Variants in SNX20 observed in about 807,000 individuals in gnomAD.
SNX20 encodes sorting nexin 20, also known as sorting nexin-20.
A neutral mutation model predicts 24.5 loss-of-function variants in SNX20; 21 were observed. The observed-to-expected ratio is 0.86, with a 90% CI of 0.61 to 1.23. The LOEUF (loss-of-function observed/expected upper bound fraction) is 1.23, where lower values mean the gene tolerates loss of function less well. Ranked by LOEUF, SNX20 falls within the 50% of genes most tolerant of loss-of-function variation. The pLI is 0.00. For missense variants in SNX20, 433 were observed against 430.8 expected, an observed-to-expected ratio of 1.00 and a Z score of -0.04; for synonymous variants, 206 against 192.8, an observed-to-expected ratio of 1.07 and a Z score of -0.57.
At position 50,674,091 on chromosome 16, in the gene SNX20, G is replaced by T; in HGVS notation, c.283-17C>A. 6.4e-7 allele frequency: 1 copy of T among 1,570,552 alleles called. No individual in the cohort carries two copies. The highest frequency in any genetic ancestry group is 8.6e-7 in the Non-Finnish European group (1 of 1,157,700). On this transcript the variant is annotated splice_polypyrimidine_tract_variant and intron_variant, in intron 3 of 3. Coordinates refer to ENST00000330943, the MANE Select transcript of SNX20 (RefSeq NM_182854.4). ...TTGGTACACCTAGGGCGCAACCAGA[G>T]AGAGCTGTGGCCACCTCCCGGCGGG...
downstream of SNX20, chr16:50,669,136 T>A: frequency 7.4e-7 from 1 of 1,350,240 alleles, no homozygotes; most frequent in Non-Finnish European, 1.0e-6. Context: ...TCTCCAGGCC[T>A]TGATTTCCCC....
chr16:50,675,368 T>G (rs1596795384), intron 3 of SNX20, among the ~76,000 whole-genome samples: 1 of 152,362 alleles, frequency 6.6e-6, no homozygotes, highest in East Asian at 1.9e-4. Flanking sequence ...ATATTGGTTT[T>G]CCATTTAAGG....
intron 2 of SNX20, 61 bp downstream of exon 2, chr16:50,677,336 A>T (rs1963203401): frequency 6.8e-7 from 1 of 1,476,992 alleles, no homozygotes; most frequent in Non-Finnish European, 9.0e-7. Context: ...AGTGACCCAC[A>T]TTTGTACTTT....
chr16:50,666,385 T>G (rs1177782299), exon 4 of SNX20: 1 of 152,366 alleles, frequency 6.6e-6, no homozygotes, highest in Non-Finnish European at 1.5e-5. Flanking sequence ...CAAAAAAGTG[T>G]CTATGATTCA....
intron 3 of SNX20, among the ~76,000 whole-genome samples, chr16:50,675,126 C>G (rs75450535): frequency 6.6e-6 from 1 of 152,186 alleles, no homozygotes; most frequent in Non-Finnish European, 1.5e-5. Flanking sequence ...TTATTTATCC[C>G]GGTCCCAGGT....
chr16:50,668,824 A>G, downstream of SNX20: 3 of 1,291,988 alleles, frequency 2.3e-6, no homozygotes, highest in Non-Finnish European at 2.9e-6. Context: ...AGTTCCAGCT[A>G]TGGGGACAGC....
At chr16:50,669,351 G>A (rs1596787836), downstream of SNX20, 1 of 552,046 alleles carries the variant, frequency 1.8e-6, no homozygotes, top group African/African-American at 1.9e-5. Context: ...AAGGGGAAGG[G>A]GGAGTTCGTG....
chr16:50,668,387 G>A (rs1441832301), downstream of SNX20: 5 of 968,604 alleles, frequency 5.2e-6, no homozygotes, highest in Non-Finnish European at 6.7e-6. Context: ...AGCGGCCTCA[G>A]GCTCAGGGCC....
chr16:50,668,666 T>C, downstream of SNX20: 1 of 1,038,540 alleles, frequency 9.6e-7, no homozygotes, highest in Non-Finnish European at 1.2e-6. Context: ...GGCAGCTAAA[T>C]GCAGTTGCTG....
downstream of SNX20, chr16:50,668,025 G>C: frequency 6.4e-7 from 1 of 1,551,718 alleles, no homozygotes; most frequent in Non-Finnish European, 8.7e-7. Flanking sequence ...TCAGGGTGTG[G>C]CGTCAGGAGC....
rs965806582 is a variant in SNX20 at position 50,673,422 on chromosome 16, C to T, written c.935G>A (p.Arg312Gln). The change falls in exon 4 of 4, where the codon CGA becomes CAA. Residue 312 changes from arginine to glutamine, a missense_variant. Arg to Gln is a conservative substitution (Grantham distance 43). Coordinates refer to ENST00000330943, the MANE Select transcript of SNX20 (RefSeq NM_182854.4). This position sits in a 1 kb window ranked among gnomAD's most constrained non-coding sequence, Gnocchi z 4.1. Reference sequence around the variant, plus strand: ...CAGGCCGGCTCAGTGCAGGTATTCTCGCACAGTGAGCTCCTTCAGGGTGAT... The same window carrying T: ...CAGGCCGGCTCAGTGCAGGTATTCTTGCACAGTGAGCTCCTTCAGGGTGAT... ...RGITLKELTV[R>Q]EYLH 1.3e-6 allele frequency: 2 copies of T among 1,562,848 alleles called. No homozygotes were observed. The highest frequency in any genetic ancestry group is 1.7e-6 in the Non-Finnish European group (2 of 1,153,550).
downstream of SNX20, chr16:50,668,277 C>T (rs1962961914): frequency 7.1e-7 from 1 of 1,406,866 alleles, no homozygotes; most frequent in African/African-American, 1.4e-5. Flanking sequence ...ATTTTCCAGT[C>T]CTTCTGAGTA....
At chr16:50,668,222 A>G (rs139420501), downstream of SNX20, 3 of 1,470,496 alleles carry the variant, frequency 2.0e-6, no homozygotes, top group Admixed American at 4.7e-5. Flanking sequence ...ACACGGGATG[A>G]TCAGCGCTAC....
At chr16:50,675,434 G>GA (rs1174392120) in intron 3 of SNX20, among the ~76,000 whole-genome samples, 1 of 152,054 alleles carries the variant, frequency 6.6e-6, no homozygotes, top group Non-Finnish European at 1.5e-5. Flanking sequence ...CCAATTTAAA[G>GA]AAAAAAATAA....
intron 1 of SNX20, among the ~76,000 whole-genome samples, chr16:50,678,875 G>T (rs1963237972): frequency 6.6e-6 from 1 of 152,236 alleles, no homozygotes; most frequent in Non-Finnish European, 1.5e-5. Context: ...TGAAGCCTCA[G>T]CTCAGGGCCC....
chr16:50,668,258 C>T, downstream of SNX20: 1 of 1,422,024 alleles, frequency 7.0e-7, no homozygotes, highest in African/African-American at 1.4e-5. Context: ...CCTCCTTTTG[C>T]AGGACAACAT....
At chr16:50,674,202 A>ATTGTTTGTTTGT (rs537431215) in intron 3 of SNX20, 128 bp from the exon 4 acceptor site, 2 of 1,066,864 alleles carry the variant, frequency 1.9e-6, no homozygotes, top group African/African-American at 1.8e-5. Flanking sequence ...CTTATATGCA[A>ATTGTTTGTTTGT]TTGTTTGTTT....
Position 50,677,377 on chromosome 16 carries a change from G to A in SNX20, c.130+20C>T, listed in dbSNP as rs749466112. The A allele has an allele frequency of 6.4e-7, 1 of 1,561,888 alleles. No homozygotes were observed. The highest frequency in any genetic ancestry group is 8.7e-7 in the Non-Finnish European group (1 of 1,151,600). On this transcript the variant is annotated intron_variant, in intron 2 of 3. Transcript: ENST00000330943. ...TCTTCAGACCTCTCCCCCAGACCGA[G>A]TCTCAAGCCTCAAGCCCACCTAAGT... is the stretch of plus-strand genomic sequence containing the variant.
downstream of SNX20, chr16:50,667,538 T>G (rs781494412): frequency 5.0e-5 from 9 of 178,496 alleles, no homozygotes; most frequent in Non-Finnish European, 1.1e-4. Context: ...AGGGACCAGT[T>G]CTGTCCTGGT....
Sources: gnomAD v4.1 joint callset for allele counts (sites outside exome capture counted in the v4.1 genomes callset) on GRCh38, gnomAD v4.1.1 for gene constraint, Gnocchi (gnomAD v3.1) non-coding constraint, MANE v1.5 for transcripts, NCBI Gene and HGNC (gene_info 2026-07-23, HGNC 2026-07-21) for gene names.